The following KIF7 variants were observed in gnomAD, a reference collection of about 807,000 sequenced individuals.
KIF7 encodes kinesin-like protein KIF7.
A neutral mutation model predicts 135.7 loss-of-function variants in KIF7; 104 were observed. That is an observed-to-expected ratio of 0.77 (90% CI 0.65 to 0.90). The LOEUF (loss-of-function observed/expected upper bound fraction) is 0.90. KIF7 is among the 40% of genes least tolerant of loss of function. The pLI is 0.00. For missense variants in KIF7, 2,005 were observed against 1,839.1 expected (o/e 1.09, Z -1.65); for synonymous variants, 883 against 809.4 (o/e 1.09, Z -1.54).
At chr15:89,642,510 T>G in intron 10 of KIF7, 105 bp from the exon 11 acceptor site, 1 of 883,948 alleles carries the variant, frequency 1.1e-6, no homozygotes, top group Non-Finnish European at 1.7e-6. Context: ...CTGTGTGGGT[T>G]TCACCAAGCC....
intron 1 of KIF7, chr15:89,619,826 C>G (rs1567051258): frequency 6.2e-7 from 1 of 1,612,218 alleles, no homozygotes; most frequent in Non-Finnish European, 8.5e-7. Context: ...TCCACTCTTT[C>G]CAGCAAGATA....
rs1201005975 is a variant in KIF7 at position 89,648,718 on chromosome 15, C to T, written c.980G>A (p.Ser327Asn). 6.5e-7 allele frequency: 1 copy of T among 1,536,306 alleles called. No individual in the cohort carries two copies. Among genetic ancestry groups the T allele is most frequent in the South Asian group, 1.2e-5 (1 of 84,056 alleles). ...CTCGTCGAAGTCGGAGGAGGAAGGG[C>T]TGACGCAGGCGATCATCACCGTCTT... is the stretch of plus-strand genomic sequence containing the variant. ...NAKTVMIACV[S>N]PSSSDFDETL... The change falls in exon 5 of 19, where the codon AGC becomes AAC. Residue 327 changes from serine to asparagine, a missense_variant. Coordinates refer to ENST00000394412, the MANE Select transcript of KIF7 (RefSeq NM_198525.3).
intron 5 of KIF7, 109 bp downstream of exon 5, chr15:89,648,146 T>C: frequency 8.2e-6 from 11 of 1,347,842 alleles, no homozygotes; most frequent in Non-Finnish European, 9.5e-6. Flanking sequence ...GAACGTGCCC[T>C]GCTAATGGGC....
chr15:89,623,646 A>G (rs1195794012), downstream of KIF7: 2 of 1,608,006 alleles, frequency 1.2e-6, no homozygotes, highest in East Asian at 2.2e-5. Context: ...GTCACCAGAA[A>G]TCTCTGAGCT....
intron 10 of KIF7, 46 bp downstream of exon 10, chr15:89,644,967 A>G: frequency 6.2e-7 from 1 of 1,602,540 alleles, no homozygotes; most frequent in Non-Finnish European, 8.5e-7. Flanking sequence ...AGTAACGATG[A>G]GAAGTCCCCC....
At chr15:89,632,691 GGACCTCACTTTGCTA>G (rs1441244290) in intron 14 of KIF7, 114 bp downstream of exon 14, 1 of 958,068 alleles carries the variant, frequency 1.0e-6, no homozygotes, top group Admixed American at 2.0e-5. Context: ...TCACTTGGAA[GGACCTCACTTTGCTA>G]GACCTCACCT....
intron 17 of KIF7, 64 bp from the exon 18 acceptor site, chr15:89,629,186 TG>T: frequency 4.9e-6 from 3 of 609,878 alleles, no homozygotes; most frequent in Non-Finnish European, 6.9e-6. Context: ...GCCAGGGCTG[TG>T]GGGGTGGGGG....
rs1567069585 is a variant in KIF7 at position 89,652,688 on chromosome 15, G to A, written c.243C>T (p.Ala81=). Residue 81 remains alanine, a synonymous_variant, in exon 2 of 19, where the codon GCC becomes GCT. Coordinates refer to ENST00000394412, the MANE Select transcript of KIF7 (RefSeq NM_198525.3). ...CAGTGGCATTGAAGCCCTCGAAGAA[G>A]GCCTCAAGGAGGGGCTGAACGCAGG... is the stretch of plus-strand genomic sequence containing the variant. ...YQACVQPLLE[A]FFEGFNATVF... 1.3e-6 allele frequency: 2 copies of A among 1,551,564 alleles called. No individual in the cohort carries two copies. The highest frequency in any genetic ancestry group is 1.7e-6 in the Non-Finnish European group (2 of 1,146,756).
chr15:89,657,310 CAAA>C (rs369464990), upstream of KIF7, among the ~76,000 whole-genome samples: 30 of 98,670 alleles, frequency 3.0e-4, no homozygotes, highest in Non-Finnish European at 4.8e-4. Context: ...GACCCTGTCT[CAAA>C]AAAAAAAAAA....
At chr15:89,653,263 G>A (rs914074213) in intron 1 of KIF7, among the ~76,000 whole-genome samples, 17 of 152,166 alleles carry the variant, frequency 1.1e-4, no homozygotes, top group African/African-American at 3.6e-4. Context: ...CTAGAAGAAC[G>A]CACACACACA....
In KIF7 at chr15:89,653,930, C is replaced by T. The variant is rs578012320; in HGVS notation, c.-24-976G>A. On this transcript the variant is annotated intron_variant, in intron 1 of 18. Transcript: ENST00000394412. ...AAAATGCAAATGCAATTATTTCACT[C>T]CCTGCCTAACCCCAACTCCCCCAAA... Among the ~76,000 whole-genome samples the T allele has an allele frequency of 1.0e-3, 157 of 152,272 alleles. 1 individual carries two copies. Among genetic ancestry groups the T allele is most frequent in the Non-Finnish European group, 1.7e-3 (119 of 68,030 alleles).
intron 15 of KIF7, chr15:89,630,732 C>A (rs115883288): frequency 1.4e-5 from 8 of 585,712 alleles, no homozygotes; most frequent in East Asian, 2.9e-5. Context: ...TGTGAATGAT[C>A]TACATTCAGG....
chr15:89,624,221 C>A (rs770107203), downstream of KIF7: 1 of 1,614,186 alleles, frequency 6.2e-7, no homozygotes, highest in Admixed American at 1.7e-5. Context: ...ACTTCTTCCC[C>A]ACCTGTTACG....
At chr15:89,638,968 C>T in intron 11 of KIF7, among the ~76,000 whole-genome samples, 2 of 151,756 alleles carry the variant, frequency 1.3e-5, no homozygotes, top group African/African-American at 4.9e-5. Context: ...TGGAACAGAA[C>T]AGAGCCCTCA....
chr15:89,631,022 G>A (rs1963662523), intron 15 of KIF7: 1 of 222,402 alleles, frequency 4.5e-6, no homozygotes, highest in South Asian at 7.7e-5. Context: ...CATAGAAAAC[G>A]CACAGTAAAA....
chr15:89,630,613 G>C (rs763334843), intron 15 of KIF7, 120 bp from the exon 16 acceptor site: 10 of 848,804 alleles, frequency 1.2e-5, no homozygotes, highest in African/African-American at 1.0e-4. Flanking sequence ...CTCGTCCCAA[G>C]GGCCAAGTCA....
At chr15:89,618,076 G>A in exon 2 of KIF7, 4 of 1,421,140 alleles carry the variant, frequency 2.8e-6, no homozygotes, top group Non-Finnish European at 4.0e-6. Context: ...CTTGTTAAGT[G>A]AGAAGCTGCC....
intron 5 of KIF7, 36 bp downstream of exon 5, chr15:89,648,219 G>A (rs1348133988): frequency 1.4e-6 from 2 of 1,473,918 alleles, no homozygotes; most frequent in Non-Finnish European, 1.8e-6. Context: ...ACTCCCCACT[G>A]CCCACAACCA....
intron 14 of KIF7, among the ~76,000 whole-genome samples, chr15:89,632,548 T>C (rs1441940858): frequency 1.3e-5 from 2 of 152,130 alleles, no homozygotes; most frequent in Non-Finnish European, 2.9e-5. Flanking sequence ...GCCCTACAGC[T>C]CATGGGGATG....
Sources: gnomAD v4.1 joint callset for allele counts (sites outside exome capture counted in the v4.1 genomes callset) on GRCh38, gnomAD v4.1.1 for gene constraint, MANE v1.5 for transcripts, NCBI Gene and HGNC (gene_info 2026-07-23, HGNC 2026-07-21) for gene names.